B4GALT7: variants seen among roughly 807,000 people sequenced by gnomAD.
The protein encoded by B4GALT7 is beta-1,4-galactosyltransferase 7.
A neutral mutation model predicts 33.0 loss-of-function variants in B4GALT7; 30 were observed. The observed-to-expected ratio is 0.91, with a 90% CI of 0.68 to 1.23. B4GALT7 has a LOEUF of 1.23. Ranked by LOEUF, B4GALT7 falls within the 50% of genes most tolerant of loss-of-function variation. The pLI is 0.00. For synonymous variants in B4GALT7, 213 were observed against 187.2 expected (o/e 1.14, Z -1.13); for missense variants, 507 against 450.8 (o/e 1.12, Z -1.13).
chr5:177,607,645 CAGG>C, intron 3 of B4GALT7, 118 bp downstream of exon 3: 3 of 1,027,566 alleles, frequency 2.9e-6, no homozygotes, highest in South Asian at 2.8e-5. Flanking sequence ...CCTGGCCTAG[CAGG>C]AGAACTTGGG....
chr5:177,602,088 C>T (rs1244657037), intron 1 of B4GALT7, among the ~76,000 whole-genome samples: 1 of 152,118 alleles, frequency 6.6e-6, no homozygotes, highest in African/African-American at 2.4e-5. Context: ...CAGAAAAAGC[C>T]CAGAGGGCAA....
intron 1 of B4GALT7, among the ~76,000 whole-genome samples, chr5:177,601,689 T>C (rs1289135499): frequency 6.6e-6 from 1 of 152,198 alleles, no homozygotes; most frequent in Non-Finnish European, 1.5e-5. Context: ...CGCCTTTTAC[T>C]AGTCTTGGGC....
chr5:177,604,026 T>G (rs1230327360), intron 1 of B4GALT7, 153 bp from the exon 2 acceptor site: 5 of 1,119,338 alleles, frequency 4.5e-6, no homozygotes, highest in Non-Finnish European at 5.2e-6. Context: ...GGTAGTGGCA[T>G]GAGCAGAAAC....
Position 177,609,541 on chromosome 5 carries a change from A to AT in B4GALT7, c.830_831insT (p.Glu277AspfsTer41). On this transcript the variant is annotated frameshift_variant and splice_region_variant, in exon 6 of 6. Transcript: ENST00000029410. LOFTEE classifies it high-confidence loss of function. ...GCTCTTTCCTCTCTTCCTCCCCAGG[A>AT]GCAGTTCAAGGTGGACAGGGAGGGA... 6.2e-7 allele frequency: 1 copy of AT among 1,613,136 alleles called. No individual in the cohort carries two copies. The highest frequency in any genetic ancestry group is 8.5e-7 in the Non-Finnish European group (1 of 1,180,002).
At chr5:177,604,645 G>A in intron 2 of B4GALT7, 104 bp downstream of exon 2, 2 of 1,475,474 alleles carry the variant, frequency 1.4e-6, no homozygotes. Flanking sequence ...GGCGGGAGGT[G>A]GCAGACCCCT....
intron 1 of B4GALT7, among the ~76,000 whole-genome samples, chr5:177,603,552 G>T (rs1359172704): frequency 2.0e-5 from 3 of 152,130 alleles, no homozygotes; most frequent in Non-Finnish European, 4.4e-5. Flanking sequence ...AAGGTTTGAG[G>T]CTCGTTCAGT....
At position 177,604,500 on chromosome 5, in the gene B4GALT7, C is replaced by T; in HGVS notation, c.372C>T (p.Ile124=). 6.2e-7 allele frequency: 1 copy of T among 1,613,968 alleles called. No individual in the cohort carries two copies. The highest frequency in any genetic ancestry group is 1.3e-5 in the African/African-American group (1 of 75,048). Residue 124 remains isoleucine (I), a synonymous_variant, in exon 2 of 6, where the codon ATC becomes ATT. Transcript: ENST00000029410. ...HMRRFLSRKK[I]RHHIYVLNQV... is the part of the protein sequence containing the mutation. ...GCCGCTTCCTGAGCAGGAAGAAGAT[C>T]CGGCACCACATCTACGTGCTCAACC... is the stretch of plus-strand genomic sequence containing the variant.
intron 1 of B4GALT7, chr5:177,601,594 G>A (rs1389192465): frequency 6.6e-6 from 1 of 152,236 alleles, no homozygotes; most frequent in East Asian, 1.9e-4. Context: ...TTGACACAGG[G>A]TTGGTGCAAA....
At chr5:177,605,041 C>T (rs1292918319) in intron 2 of B4GALT7, 1 of 456,090 alleles carries the variant, frequency 2.2e-6, no homozygotes, top group Non-Finnish European at 4.4e-6. Flanking sequence ...TCCTTTCCCT[C>T]TAGGTAACTC....
intron 1 of B4GALT7, among the ~76,000 whole-genome samples, chr5:177,603,562 T>C (rs1432738561): frequency 1.3e-5 from 2 of 152,234 alleles, no homozygotes; most frequent in African/African-American, 4.8e-5. Flanking sequence ...GCTCGTTCAG[T>C]GAACCGCCAC....
chr5:177,604,312 A>AG lies in B4GALT7; in HGVS notation c.188dup (p.Gln64ThrfsTer19), dbSNP rs1767919134. 1 of 1,610,622 alleles carries AG rather than the reference A, an allele frequency of 6.2e-7. No individual in the cohort carries two copies. Among genetic ancestry groups the AG allele is most frequent in the Non-Finnish European group, 8.5e-7 (1 of 1,178,466 alleles). On this transcript the variant is annotated frameshift_variant, in exon 2 of 6. Coordinates refer to ENST00000029410, the MANE Select transcript of B4GALT7 (RefSeq NM_007255.3). LOFTEE classifies it high-confidence loss of function. ...CTCTGGGGACGTGGCCCGGGCAGTC[A>AG]GGGGACAAGGGCAGGAGACCTCGGG...
At chr5:177,605,295 G>A (rs554992843) in intron 2 of B4GALT7, 88 of 321,236 alleles carry the variant, frequency 2.7e-4, no homozygotes, top group South Asian at 2.1e-3. Context: ...CTCCACACCT[G>A]TGCCTGGGCA....
rs1055877919 is a variant in B4GALT7 at position 177,605,364 on chromosome 5, C to T, written c.413+823C>T. On this transcript the variant is annotated intron_variant, in intron 2 of 5. Transcript: ENST00000029410. The stretch of plus-strand genomic sequence containing the variant: ...GGCGGCCATGCTGCTGTCCCCATGC[C>T]GATGATGCCCCTGCCAGGAAGGCCC... 2.8e-5 allele frequency: 7 copies of T among 254,490 alleles called. No individual in the cohort carries two copies. The South Asian group carries it at 3.0e-4, about 11-fold the overall frequency. 15.8% of individuals were successfully genotyped at this position (254,490 alleles called of 1,614,324 possible).
intron 2 of B4GALT7, 111 bp downstream of exon 2, chr5:177,604,652 C>G (rs1308499170): frequency 2.1e-6 from 3 of 1,417,212 alleles, no homozygotes; most frequent in African/African-American, 1.4e-5. Context: ...GGTGGCAGAC[C>G]CCTCTCACTG....
chr5:177,605,045 G>GT, intron 2 of B4GALT7: 2 of 455,874 alleles, frequency 4.4e-6, no homozygotes, highest in South Asian at 3.1e-5. Flanking sequence ...TTCCCTCTAG[G>GT]TAACTCCCAC....
rs1328742625 is a variant in B4GALT7, at chr5:177,604,230, G to A, written c.102G>A (p.Leu34=). The part of the protein sequence containing the change: ...GLPRKCSVFH[L]FVACLSLGFF... ...CTCGGAAGTGTTCCGTCTTCCACCT[G>A]TTCGTGGCCTGCCTCTCGCTGGGCT... The change falls in exon 2 of 6, where the codon CTG becomes CTA. Residue 34 remains leucine, a synonymous_variant. Coordinates refer to ENST00000029410, the MANE Select transcript of B4GALT7 (RefSeq NM_007255.3). 3 of 1,613,754 alleles carry A rather than the reference G, an allele frequency of 1.9e-6. No individual in the cohort carries two copies. The highest frequency in any genetic ancestry group is 1.7e-4 in the Middle Eastern group (1 of 6,058).
Position 177,602,954 on chromosome 5 carries a change from C to T in B4GALT7, c.51-1225C>T, listed in dbSNP as rs1767882821. The T allele has an allele frequency of 5.0e-6, 3 of 605,022 alleles. No homozygotes were observed. In the Admixed American group the frequency reaches 1.9e-4, roughly 38 times the overall value. 37.5% of individuals were successfully genotyped at this position (605,022 alleles called of 1,614,324 possible). A position where few individuals can be genotyped will look rare whatever the true frequency, so the allele number is the denominator to read the frequency against. ...CTGGAGTGCAGTGGCGTGATCTCAGCTCACTGCAACCTCCGCCTCCCAGAT... is the reference window on the plus strand; with the variant it reads ...CTGGAGTGCAGTGGCGTGATCTCAGTTCACTGCAACCTCCGCCTCCCAGAT... On this transcript the variant is annotated intron_variant, in intron 1 of 5. Transcript: ENST00000029410.
At chr5:177,604,845 A>T (rs1408183811) in intron 2 of B4GALT7, among the ~76,000 whole-genome samples, 1 of 151,782 alleles carries the variant, frequency 6.6e-6, no homozygotes, top group Non-Finnish European at 1.5e-5. Flanking sequence ...GTGGGTAGAG[A>T]GAGGTGCTGT....
At position 177,608,194 on chromosome 5, in the gene B4GALT7, AG is replaced by A; in HGVS notation, c.640-344del. ...TGCTACCCCTCTCACACACACAGGAAGAGATGAGGGCAGGGCCACCAGGAGA... is the reference window on the plus strand; with the variant it reads ...TGCTACCCCTCTCACACACACAGGAAAGATGAGGGCAGGGCCACCAGGAGA... On this transcript the variant is annotated intron_variant, in intron 3 of 5. Coordinates refer to ENST00000029410, the MANE Select transcript of B4GALT7 (RefSeq NM_007255.3). The surrounding 1 kb of genome is among the most constrained non-coding windows in gnomAD (Gnocchi z 4.1). The A allele has an allele frequency of 2.8e-6, 1 of 353,410 alleles. No homozygotes were observed. The highest frequency in any genetic ancestry group is 2.1e-5 in the African/African-American group (1 of 47,570). 21.9% of individuals were successfully genotyped at this position (353,410 alleles called of 1,614,324 possible). A position where few individuals can be genotyped will look rare whatever the true frequency, so the allele number is the denominator to read the frequency against.
Sources: gnomAD v4.1 joint callset for allele counts (sites outside exome capture counted in the v4.1 genomes callset) on GRCh38, gnomAD v4.1.1 for gene constraint, Gnocchi (gnomAD v3.1) non-coding constraint, MANE v1.5 for transcripts, NCBI Gene and HGNC (gene_info 2026-07-23, HGNC 2026-07-21) for gene names.